HHAT: variants seen among roughly 807,000 people sequenced by gnomAD.
HHAT encodes the protein protein-cysteine N-palmitoyltransferase HHAT.
A neutral mutation model predicts 70.8 loss-of-function variants in HHAT; 47 were observed. That is an observed-to-expected ratio of 0.66 (90% CI 0.53 to 0.85). The LOEUF (loss-of-function observed/expected upper bound fraction) is 0.85. Ranked by LOEUF, HHAT falls within the 40% of genes least tolerant of loss-of-function variation. HHAT has a pLI of 0.00. For missense variants in HHAT, 609 were observed against 604.8 expected (o/e 1.01, Z -0.07); for synonymous variants, 228 against 247.6 (o/e 0.92, Z 0.74).
intron 7 of HHAT, among the ~76,000 whole-genome samples, chr1:210,438,169 C>G (rs531079390): frequency 7.3e-6 from 1 of 137,198 alleles, no homozygotes; most frequent in African/African-American, 3.2e-5. Flanking sequence ...CAGGATTCTC[C>G]GTGTTTGTGT....
At chr1:210,604,001 T>C (rs1435256450) in intron 10 of HHAT, among the ~76,000 whole-genome samples, 1 of 152,156 alleles carries the variant, frequency 6.6e-6, no homozygotes, top group Non-Finnish European at 1.5e-5. Context: ...TGCGGAAGGG[T>C]GGGAAGCAAG....
intron 11 of HHAT, among the ~76,000 whole-genome samples, chr1:210,657,435 C>T (rs1676679262): frequency 6.6e-6 from 1 of 152,210 alleles, no homozygotes; most frequent in Non-Finnish European, 1.5e-5. Context: ...GCATCTTTGA[C>T]AGGCAGGAAC....
Position 210,341,947 on chromosome 1 carries a change from C to G in HHAT, c.-43-6986C>G, listed in dbSNP as rs973945333. On this transcript the variant is annotated intron_variant, in intron 1 of 11. Coordinates refer to ENST00000261458, the MANE Select transcript of HHAT (RefSeq NM_018194.6). ...TTCCTTTAACATCTAGTATTAAATG[C>G]ACGTTCTACCGCTTTGTCCTCACTT... is the stretch of plus-strand genomic sequence containing the variant. 2.6e-5 allele frequency among the ~76,000 whole-genome samples: 4 copies of G among 152,100 alleles called. No homozygotes were observed. In the South Asian group the frequency reaches 6.2e-4, roughly 24 times the overall value.
chr1:210,641,320 C>T (rs1672930911), intron 11 of HHAT, among the ~76,000 whole-genome samples: 1 of 152,122 alleles, frequency 6.6e-6, no homozygotes, highest in Non-Finnish European at 1.5e-5. Flanking sequence ...AAATTGAAGA[C>T]ACCTGTTTAG....
intron 7 of HHAT, among the ~76,000 whole-genome samples, chr1:210,461,671 C>T (rs1029769996): frequency 6.6e-6 from 1 of 152,076 alleles, no homozygotes; most frequent in Non-Finnish European, 1.5e-5. Context: ...ATCCATGGTA[C>T]AAACACAATT....
chr1:210,436,362 C>T (rs987437441), intron 7 of HHAT, among the ~76,000 whole-genome samples: 1 of 151,396 alleles, frequency 6.6e-6, no homozygotes, highest in Non-Finnish European at 1.5e-5. Flanking sequence ...GATTTGGTTT[C>T]TGTAGCTTTG....
At chr1:210,494,760 C>T (rs567184781) in intron 8 of HHAT, among the ~76,000 whole-genome samples, 1 of 152,058 alleles carries the variant, frequency 6.6e-6, no homozygotes, top group South Asian at 2.1e-4. Flanking sequence ...ACCATGTTGG[C>T]CAGGCTGGTC....
At chr1:210,588,137 G>C (rs931255819) in intron 10 of HHAT, 38 bp downstream of exon 10, 6 of 1,501,876 alleles carry the variant, frequency 4.0e-6, no homozygotes, top group Non-Finnish European at 5.4e-6. Context: ...GGGGACAGTG[G>C]AACTAGGCAG....
intron 4 of HHAT, 26 bp downstream of exon 4, chr1:210,387,607 T>G: frequency 6.4e-7 from 1 of 1,558,638 alleles, no homozygotes. Flanking sequence ...TTGTTACCTT[T>G]TAAGTGTGTT....
chr1:210,481,009 G>A (rs747212144), intron 8 of HHAT, among the ~76,000 whole-genome samples: 4 of 152,072 alleles, frequency 2.6e-5, no homozygotes, highest in Admixed American at 6.5e-5. Flanking sequence ...AAGCACATAC[G>A]CTCACATAGC....
chr1:210,464,816 G>C (rs1301170016), intron 8 of HHAT, among the ~76,000 whole-genome samples, 161 bp downstream of exon 8: 1 of 152,192 alleles, frequency 6.6e-6, no homozygotes, highest in Non-Finnish European at 1.5e-5. Flanking sequence ...ACTAATCCAT[G>C]CTTTCTGGGT....
At chr1:210,480,283 G>A (rs927105118) in intron 8 of HHAT, among the ~76,000 whole-genome samples, 2 of 152,198 alleles carry the variant, frequency 1.3e-5, no homozygotes. Context: ...CGGACAGACT[G>A]CAAGCTGAGG....
At chr1:210,562,886 A>G (rs199592356) in intron 9 of HHAT, among the ~76,000 whole-genome samples, 5 of 136,696 alleles carry the variant, frequency 3.7e-5, no homozygotes, top group East Asian at 4.5e-4. Context: ...ATTCCCACCT[A>G]TGAGTGAGAA....
At chr1:210,644,920 T>C (rs1673721974) in intron 11 of HHAT, among the ~76,000 whole-genome samples, 1 of 152,214 alleles carries the variant, frequency 6.6e-6, no homozygotes, top group African/African-American at 2.4e-5. Flanking sequence ...AGGGCTCTCC[T>C]TGTAACTTCC....
At chr1:210,458,365 G>T (rs1440057024) in intron 7 of HHAT, among the ~76,000 whole-genome samples, 1 of 152,204 alleles carries the variant, frequency 6.6e-6, no homozygotes, top group Non-Finnish European at 1.5e-5. Context: ...GCCAGGCACT[G>T]GTTGGTGCTA....
chr1:210,530,418 A>G (rs1296155355), intron 9 of HHAT, among the ~76,000 whole-genome samples: 7 of 152,032 alleles, frequency 4.6e-5, no homozygotes, highest in Non-Finnish European at 8.8e-5. Flanking sequence ...ATTAATACCA[A>G]TGTTTGCAAT....
intron 8 of HHAT, among the ~76,000 whole-genome samples, chr1:210,486,178 C>T (rs994414877): frequency 2.0e-5 from 3 of 152,156 alleles, no homozygotes; most frequent in African/African-American, 4.8e-5. Flanking sequence ...TACTACTCCC[C>T]TAAATGATCC....
intron 4 of HHAT, among the ~76,000 whole-genome samples, chr1:210,391,544 T>A (rs565437573): frequency 6.6e-6 from 1 of 152,146 alleles, no homozygotes; most frequent in Admixed American, 6.5e-5. Flanking sequence ...TGGAATAAAT[T>A]TCATAAAAAA....
intron 9 of HHAT, among the ~76,000 whole-genome samples, chr1:210,586,717 A>T (rs532742114): frequency 5.3e-4 from 81 of 152,272 alleles, no homozygotes; most frequent in African/African-American, 1.9e-3. Context: ...GGAAGGTTGG[A>T]CAAAGAAGCA....
Sources: gnomAD v4.1 joint callset for allele counts (sites outside exome capture counted in the v4.1 genomes callset) on GRCh38, gnomAD v4.1.1 for gene constraint, MANE v1.5 for transcripts, NCBI Gene and HGNC (gene_info 2026-07-23, HGNC 2026-07-21) for gene names.